Variants in HAUS1 observed in about 807,000 individuals in gnomAD.
HAUS1 encodes the protein HAUS augmin-like complex subunit 1.
In HAUS1, 25 loss-of-function variants were observed where a neutral mutation model predicts 38.6. The ratio of observed to expected loss-of-function variants is 0.65; its 90% CI spans 0.47 to 0.91. HAUS1 has a LOEUF of 0.91. Ranked by LOEUF, HAUS1 falls within the 40% of genes least tolerant of loss-of-function variation. The probability of loss-of-function intolerance (pLI) is 0.00; values close to 1 mark genes in which losing one functional copy is unlikely to be tolerated. For missense variants in HAUS1, 325 were observed against 328.4 expected (o/e 0.99, Z 0.08); for synonymous variants, 109 against 112.9 (o/e 0.97, Z 0.22).
In HAUS1 at chr18:46,120,071, G is replaced by A. The variant is rs1272071624; in HGVS notation, c.476+11G>A. 6.4e-7 allele frequency: 1 copy of A among 1,561,258 alleles called. No homozygotes were observed. Among genetic ancestry groups the A allele is most frequent in the South Asian group, 1.2e-5 (1 of 83,858 alleles). ...AAAATGTCTACAAGAGTAAGTAATT[G>A]AGTTCAGAGTGGTGACAATTTATAA... On this transcript the variant is annotated intron_variant, in intron 4 of 8. Coordinates refer to ENST00000282058, the MANE Select transcript of HAUS1 (RefSeq NM_138443.4).
rs1252937043 is a variant in HAUS1 at position 46,122,492 on chromosome 18, C to T, written c.502C>T (p.Leu168=). The T allele has an allele frequency of 1.1e-5, 17 of 1,613,634 alleles. No individual in the cohort carries two copies. The highest frequency in any genetic ancestry group is 1.4e-5 in the Non-Finnish European group (17 of 1,179,878). The change falls in exon 5 of 9, where the codon CTG becomes TTG. Residue 168 remains leucine (L), a synonymous_variant. Coordinates refer to ENST00000282058, the MANE Select transcript of HAUS1 (RefSeq NM_138443.4). ...QEDVKKAELH[L]STERAKVDNR... ...GGATGTCAAGAAAGCAGAGTTGCAT[C>T]TGTCTACAGAAAGGGCCAAAGTTGA...
chr18:46,127,950 A>G, intron 8 of HAUS1, 125 bp from the exon 9 acceptor site: 3 of 502,666 alleles, frequency 6.0e-6, no homozygotes, highest in East Asian at 6.6e-5. Flanking sequence ...GATATTCATA[A>G]TGGTATTTTT....
At chr18:46,123,632 A>C (rs1422879061) in intron 6 of HAUS1, among the ~76,000 whole-genome samples, 1 of 152,156 alleles carries the variant, frequency 6.6e-6, no homozygotes, top group African/African-American at 2.4e-5. Flanking sequence ...AAACAAATTT[A>C]TTGAAGGACC....
intron 2 of HAUS1, among the ~76,000 whole-genome samples, chr18:46,112,917 A>G (rs1475963007): frequency 1.8e-5 from 2 of 113,770 alleles, no homozygotes; most frequent in Non-Finnish European, 3.2e-5. Flanking sequence ...TATAATATAT[A>G]TAATGTGTAT....
chr18:46,123,321 T>C lies in HAUS1; in HGVS notation c.623T>C (p.Met208Thr), dbSNP rs1175751432. 4 of 1,612,382 alleles carry C rather than the reference T, an allele frequency of 2.5e-6. No individual in the cohort carries two copies. The highest frequency in any genetic ancestry group is 4.5e-5 in the East Asian group (2 of 44,866). The change falls in exon 6 of 9, where the codon ATG becomes ACG. Residue 208 changes from methionine (M) to threonine (T), a missense_variant. Coordinates refer to ENST00000282058, the MANE Select transcript of HAUS1 (RefSeq NM_138443.4). ...AAEEQLSARG[M>T]DASLSHQSLV... ...TAGGAGCAACTTTCAGCCAGAGGCATGGATGCTTCTCTGTCTCATCAGTCC... is the reference window on the plus strand; with the variant it reads ...TAGGAGCAACTTTCAGCCAGAGGCACGGATGCTTCTCTGTCTCATCAGTCC...
intron 8 of HAUS1, among the ~76,000 whole-genome samples, chr18:46,127,094 A>G (rs1912130613): frequency 6.6e-6 from 1 of 151,834 alleles, no homozygotes; most frequent in Non-Finnish European, 1.5e-5. Flanking sequence ...TCAGCCTCCC[A>G]AAGTGCTGGA....
chr18:46,121,552 T>C (rs1328083787), intron 4 of HAUS1: 2 of 152,030 alleles, frequency 1.3e-5, no homozygotes, highest in African/African-American at 4.8e-5. Flanking sequence ...CTATACAAAA[T>C]TGACTTTCTT....
In HAUS1 at chr18:46,118,180, G is replaced by A; in HGVS notation, c.206-1G>A. 1 of 1,611,438 alleles carries A rather than the reference G, an allele frequency of 6.2e-7. No homozygotes were observed. The highest frequency in any genetic ancestry group is 1.1e-5 in the South Asian group (1 of 90,802). ...ACTATGGAACTCTTTCATGTTTTTAGCCAAGTATCTTCAAGACCTTCTCAT... is the reference window on the plus strand; with the variant it reads ...ACTATGGAACTCTTTCATGTTTTTAACCAAGTATCTTCAAGACCTTCTCAT... On this transcript the variant is annotated splice_acceptor_variant, in intron 2 of 8. Coordinates refer to ENST00000282058, the MANE Select transcript of HAUS1 (RefSeq NM_138443.4). LOFTEE classifies it high-confidence loss of function.
chr18:46,108,730 G>A (rs565466951), intron 2 of HAUS1, among the ~76,000 whole-genome samples: 36 of 151,934 alleles, frequency 2.4e-4, no homozygotes, highest in African/African-American at 8.5e-4. Context: ...CTTTGTATTA[G>A]TCCGTTCTCA....
At chr18:46,107,050 A>G (rs770511898) in intron 2 of HAUS1, among the ~76,000 whole-genome samples, 6 of 152,090 alleles carry the variant, frequency 3.9e-5, no homozygotes, top group Non-Finnish European at 7.4e-5. Flanking sequence ...TTAATTAAAA[A>G]TTAACATACA....
intron 2 of HAUS1, among the ~76,000 whole-genome samples, chr18:46,109,177 A>AT (rs1397085503): frequency 6.6e-6 from 1 of 152,088 alleles, no homozygotes; most frequent in Admixed American, 6.6e-5. Context: ...AAGGGGAAGC[A>AT]AGGCACGTCT....
chr18:46,116,878 G>C (rs1911810643), intron 2 of HAUS1, among the ~76,000 whole-genome samples: 1 of 151,982 alleles, frequency 6.6e-6, no homozygotes, highest in South Asian at 2.1e-4. Flanking sequence ...GCCAGGTATA[G>C]TGGTCCACAG....
intron 2 of HAUS1, among the ~76,000 whole-genome samples, chr18:46,109,070 C>CAA (rs58584750): frequency 7.2e-5 from 6 of 83,040 alleles, no homozygotes; most frequent in Admixed American, 1.3e-4. Context: ...GACTCCGTCT[C>CAA]AAAAAAAAAA....
At chr18:46,112,317 A>T (rs867246652) in intron 2 of HAUS1, among the ~76,000 whole-genome samples, 1,120 of 99,740 alleles carry the variant, frequency 0.011, 10 homozygotes, top group African/African-American at 0.029. Flanking sequence ...ATTATATATA[A>T]TATATATAAT....
At chr18:46,122,786 C>A (rs993028950) in intron 5 of HAUS1, among the ~76,000 whole-genome samples, 196 bp downstream of exon 5, 4 of 152,182 alleles carry the variant, frequency 2.6e-5, no homozygotes, top group African/African-American at 9.7e-5. Flanking sequence ...GAAACTCAGG[C>A]CTTACACACT....
intron 3 of HAUS1, among the ~76,000 whole-genome samples, chr18:46,118,766 A>G (rs1435139096): frequency 6.6e-6 from 1 of 152,212 alleles, no homozygotes; most frequent in East Asian, 1.9e-4. Context: ...TAAATAATTT[A>G]TCCGAGCTAC....
intron 2 of HAUS1, among the ~76,000 whole-genome samples, chr18:46,110,646 A>C (rs114065508): frequency 6.6e-6 from 1 of 151,070 alleles, no homozygotes; most frequent in African/African-American, 2.4e-5. Flanking sequence ...TGGCCTTTCA[A>C]ATTTTTTTGT....
intron 6 of HAUS1, among the ~76,000 whole-genome samples, chr18:46,124,415 T>TTA (rs1912038592): frequency 1.5e-5 from 1 of 68,640 alleles, no homozygotes; most frequent in Admixed American, 1.7e-4. Flanking sequence ...AGACTCTATC[T>TTA]CAAAAAAAAA....
At position 46,123,471 on chromosome 18, in the gene HAUS1, C is replaced by A. The variant is rs561795758; in HGVS notation, c.666+107C>A. 3.1e-5 allele frequency: 24 copies of A among 778,346 alleles called. No homozygotes were observed. In the African/African-American group the frequency reaches 3.7e-4, roughly 12 times the overall value. The allele number at this position is 778,346 out of a possible 1,614,324, so 48.2% of individuals were successfully genotyped here. ...CTTTTATTCACTGTGGACCTGATTT[C>A]TTTTCCTTTACCTTTGTACTTTATA... On this transcript the variant is annotated intron_variant, in intron 6 of 8. Transcript: ENST00000282058.
Sources: gnomAD v4.1 joint callset for allele counts (sites outside exome capture counted in the v4.1 genomes callset) on GRCh38, gnomAD v4.1.1 for gene constraint, MANE v1.5 for transcripts, NCBI Gene and HGNC (gene_info 2026-07-23, HGNC 2026-07-21) for gene names.